TMTC2: variants seen among roughly 807,000 people sequenced by gnomAD.
TMTC2 encodes transmembrane O-mannosyltransferase targeting cadherins 2.
TMTC2 carries 43 observed loss-of-function variants against 82.4 expected under a neutral mutation model. The observed-to-expected ratio is 0.52, with a 90% CI of 0.41 to 0.67. The LOEUF is 0.67. Ranked by LOEUF, TMTC2 falls within the 30% of genes least tolerant of loss-of-function variation. The pLI is 0.00. For missense variants in TMTC2, 919 were observed against 1,012.4 expected (o/e 0.91, Z 1.25); for synonymous variants, 408 against 381.9 (o/e 1.07, Z -0.80).
At chr12:82,986,176 T>G (rs1324418052) in intron 8 of TMTC2, 130 bp downstream of exon 8, 2 of 1,258,240 alleles carry the variant, frequency 1.6e-6, no homozygotes, top group Non-Finnish European at 2.2e-6. Flanking sequence ...GATACTAACT[T>G]TGAACCCTGT....
intron 3 of TMTC2, among the ~76,000 whole-genome samples, chr12:82,903,348 C>T (rs1042478368): frequency 2.0e-5 from 3 of 152,120 alleles, no homozygotes; most frequent in Non-Finnish European, 4.4e-5. Flanking sequence ...ATTGTATGAA[C>T]GTGTTGTCAG....
intron 1 of TMTC2, among the ~76,000 whole-genome samples, chr12:82,781,320 A>G (rs1182370536): frequency 6.6e-6 from 1 of 152,030 alleles, no homozygotes; most frequent in Non-Finnish European, 1.5e-5. Context: ...GGAGAATGGA[A>G]AAACCAACAG....
At chr12:82,729,104 G>C (rs1008168286) in intron 1 of TMTC2, among the ~76,000 whole-genome samples, 1 of 152,254 alleles carries the variant, frequency 6.6e-6, no homozygotes, top group African/African-American at 2.4e-5. Flanking sequence ...GCTGAGGAGT[G>C]CTGGCGCAAG....
intron 8 of TMTC2, among the ~76,000 whole-genome samples, chr12:82,989,752 GCT>G (rs1491588480): frequency 1.0e-3 from 98 of 96,896 alleles, no homozygotes; most frequent in African/African-American, 4.4e-3. Flanking sequence ...TTTTCAGGAG[GCT>G]TTTTTTTTTT....
chr12:82,687,735 C>T (rs1271268211), intron 1 of TMTC2, 66 bp downstream of exon 1: 14 of 1,493,054 alleles, frequency 9.4e-6, no homozygotes, highest in Non-Finnish European at 1.3e-5. Context: ...TCTGAAGCTT[C>T]CCTCTTTAAG....
At chr12:83,059,199 C>A (rs1351738179) in intron 10 of TMTC2, among the ~76,000 whole-genome samples, 1 of 151,748 alleles carries the variant, frequency 6.6e-6, no homozygotes, top group Non-Finnish European at 1.5e-5. Context: ...AAGCAACTGG[C>A]AGAATACTGC....
chr12:82,960,352 C>G (rs1253705165), intron 4 of TMTC2, among the ~76,000 whole-genome samples: 1 of 151,816 alleles, frequency 6.6e-6, no homozygotes, highest in African/African-American at 2.4e-5. Flanking sequence ...CAGCACTAGT[C>G]AAAATAACAA....
intron 9 of TMTC2, among the ~76,000 whole-genome samples, chr12:83,045,727 G>C (rs7964625): frequency 7.0e-6 from 1 of 142,536 alleles, no homozygotes; most frequent in East Asian, 2.2e-4. Context: ...ACACACACAC[G>C]CACACACACA....
intron 1 of TMTC2, among the ~76,000 whole-genome samples, chr12:82,707,985 G>T (rs1873445457): frequency 6.6e-6 from 1 of 152,198 alleles, no homozygotes; most frequent in African/African-American, 2.4e-5. Flanking sequence ...ACAAGCATGT[G>T]TTTGTGTTGG....
At chr12:82,973,540 C>T (rs2137316693) in intron 7 of TMTC2, among the ~76,000 whole-genome samples, 1 of 152,114 alleles carries the variant, frequency 6.6e-6, no homozygotes, top group East Asian at 1.9e-4. Context: ...ATAATTTTTT[C>T]TCCTAAAAGT....
At chr12:82,803,681 C>A (rs2137039598) in intron 1 of TMTC2, among the ~76,000 whole-genome samples, 1 of 152,162 alleles carries the variant, frequency 6.6e-6, no homozygotes, top group South Asian at 2.1e-4. Context: ...ACACACTGTG[C>A]ATGCTCACCT....
chr12:83,132,380 T>G lies in TMTC2; in HGVS notation c.2502T>G (p.Ser834=). 1 of 1,613,736 alleles carries G rather than the reference T, an allele frequency of 6.2e-7. No individual in the cohort carries two copies. Among genetic ancestry groups the G allele is most frequent in the Non-Finnish European group, 8.5e-7 (1 of 1,179,870 alleles). Residue 834 remains serine, a synonymous_variant, in exon 12 of 12, where the codon TCT becomes TCG. Coordinates refer to ENST00000321196, the MANE Select transcript of TMTC2 (RefSeq NM_152588.3). The part of the protein sequence containing the change: ...NIMEKQGLKT[S]KT ...TGGAAAAACAAGGCTTAAAGACTTC[T>G]AAGACCTGACACAGGAGGCAGAAGC... is the stretch of plus-strand genomic sequence containing the variant.
intron 1 of TMTC2, among the ~76,000 whole-genome samples, chr12:82,801,540 C>T (rs561932629): frequency 1.6e-3 from 236 of 152,250 alleles, no homozygotes; most frequent in Non-Finnish European, 2.5e-3. Context: ...GTCTGTTTTA[C>T]AGAGAGCTGA....
intron 2 of TMTC2, among the ~76,000 whole-genome samples, chr12:82,880,771 A>G (rs1872781767): frequency 6.6e-6 from 1 of 152,256 alleles, no homozygotes; most frequent in African/African-American, 2.4e-5. Context: ...ACCTAATCCA[A>G]TGAAAATAAT....
At chr12:83,107,472 C>T (rs1884447420) in intron 11 of TMTC2, among the ~76,000 whole-genome samples, 2 of 152,134 alleles carry the variant, frequency 1.3e-5, no homozygotes. Flanking sequence ...CACTTTTCTT[C>T]TCTTTAAAAA....
intron 11 of TMTC2, among the ~76,000 whole-genome samples, chr12:83,081,184 C>T (rs188063944): frequency 2.0e-5 from 3 of 152,286 alleles, no homozygotes; most frequent in Non-Finnish European, 4.4e-5. Context: ...ACTCAGTCAC[C>T]TTCTCATGTT....
chr12:82,825,358 G>A (rs1869354983), intron 1 of TMTC2, among the ~76,000 whole-genome samples: 1 of 152,214 alleles, frequency 6.6e-6, no homozygotes, highest in South Asian at 2.1e-4. Context: ...TGCTGAACAT[G>A]AATGGGAGAG....
rs775444296 is a variant in TMTC2, at chr12:82,705,368, A to G, written c.83+17699A>G. Among the ~76,000 whole-genome samples, 74 of 152,234 alleles carry G rather than the reference A, an allele frequency of 4.9e-4. 2 individuals carry two copies. Among genetic ancestry groups the G allele is most frequent in the Non-Finnish European group, 1.3e-4 (9 of 68,044 alleles). ...TTCAAAAAAAGAAAATTGTCCTTAT[A>G]TACATGTCAGACAAAAGATTTAATT... On this transcript the variant is annotated intron_variant, in intron 1 of 11. Coordinates refer to ENST00000321196, the MANE Select transcript of TMTC2 (RefSeq NM_152588.3).
At chr12:82,809,045 C>T (rs1163735077) in intron 1 of TMTC2, among the ~76,000 whole-genome samples, 1 of 148,768 alleles carries the variant, frequency 6.7e-6, no homozygotes, top group Non-Finnish European at 1.5e-5. Flanking sequence ...ACTTTTTATT[C>T]TGAGTGAATG....
Sources: gnomAD v4.1 joint callset for allele counts (sites outside exome capture counted in the v4.1 genomes callset) on GRCh38, gnomAD v4.1.1 for gene constraint, MANE v1.5 for transcripts, NCBI Gene and HGNC (gene_info 2026-07-23, HGNC 2026-07-21) for gene names.